CLCN3: variants seen among roughly 807,000 people sequenced by gnomAD.
CLCN3 encodes the protein Cl-/H+ antiporter 3, also known as H(+)/Cl(-) exchange transporter 3.
CLCN3 carries 16 observed loss-of-function variants against 83.4 expected under a neutral mutation model. The observed-to-expected ratio is 0.19, with a 90% confidence interval of 0.13 to 0.29. The LOEUF is 0.29. CLCN3 is among the 10% of genes least tolerant of loss of function. The probability of loss-of-function intolerance (pLI) is 1.00; values close to 1 mark genes in which losing one functional copy is unlikely to be tolerated. For synonymous variants in CLCN3, 322 were observed against 346.2 expected (o/e 0.93, Z 0.78); for missense variants, 544 against 1,006.0 (o/e 0.54, Z 6.21).
At chr4:169,679,627 G>A (rs948855521) in intron 2 of CLCN3, among the ~76,000 whole-genome samples, 1 of 152,216 alleles carries the variant, frequency 6.6e-6, no homozygotes, top group Non-Finnish European at 1.5e-5. Flanking sequence ...GCGAGACTCC[G>A]TCTGCAATCC....
intron 12 of CLCN3, chr4:169,718,018 T>A: frequency 1.9e-6 from 1 of 537,394 alleles, no homozygotes; most frequent in Non-Finnish European, 3.4e-6. Flanking sequence ...ATAAAATGTG[T>A]CTGTAAGATA....
At chr4:169,719,419 G>A (rs1404905326) in intron 12 of CLCN3, among the ~76,000 whole-genome samples, 2 of 152,146 alleles carry the variant, frequency 1.3e-5, no homozygotes, top group African/African-American at 2.4e-5. Context: ...AGCTGAGATC[G>A]CGCCACTGCA....
chr4:169,689,278 A>G (rs1306074913), intron 5 of CLCN3, 48 bp downstream of exon 5: 21 of 1,488,908 alleles, frequency 1.4e-5, no homozygotes, highest in Non-Finnish European at 1.8e-5. Context: ...ATATAGCAAA[A>G]TGTTTCCAAT....
At chr4:169,701,342 A>G (rs910966612) in intron 9 of CLCN3, among the ~76,000 whole-genome samples, 4 of 152,134 alleles carry the variant, frequency 2.6e-5, no homozygotes, top group East Asian at 1.9e-4. Flanking sequence ...TTCTCTTGCT[A>G]TTTCCACCAC....
chr4:169,667,639 T>A (rs1350331284), intron 2 of CLCN3, among the ~76,000 whole-genome samples: 1 of 151,894 alleles, frequency 6.6e-6, no homozygotes, highest in African/African-American at 2.4e-5. Context: ...TAGGAATTTG[T>A]TTCTGTGTCC....
intron 7 of CLCN3, among the ~76,000 whole-genome samples, chr4:169,693,024 T>G (rs560331881): frequency 1.3e-5 from 2 of 152,310 alleles, no homozygotes; most frequent in Non-Finnish European, 2.9e-5. Flanking sequence ...TCCCTTCCTA[T>G]TTTCCAAATC....
At chr4:169,647,706 G>T (rs1730615625) in intron 2 of CLCN3, among the ~76,000 whole-genome samples, 1 of 152,150 alleles carries the variant, frequency 6.6e-6, no homozygotes, top group Non-Finnish European at 1.5e-5. Flanking sequence ...TGACATAAAG[G>T]ATTGAATAAA....
intron 1 of CLCN3, among the ~76,000 whole-genome samples, chr4:169,622,239 A>G (rs1581176677): frequency 6.6e-6 from 1 of 152,374 alleles, no homozygotes; most frequent in East Asian, 1.9e-4. Flanking sequence ...AGTCATACAT[A>G]GCTCATTAAG....
intron 1 of CLCN3, among the ~76,000 whole-genome samples, chr4:169,622,561 G>A (rs1040616859): frequency 2.0e-5 from 3 of 152,120 alleles, no homozygotes; most frequent in Non-Finnish European, 2.9e-5. Flanking sequence ...TTTATAATAA[G>A]TGTTAATATT....
intron 2 of CLCN3, among the ~76,000 whole-genome samples, chr4:169,665,048 A>T (rs1452980286): frequency 6.6e-6 from 1 of 152,226 alleles, no homozygotes; most frequent in Non-Finnish European, 1.5e-5. Flanking sequence ...AGTTTCTCTA[A>T]CAAATTTTAT....
intron 2 of CLCN3, among the ~76,000 whole-genome samples, chr4:169,674,568 T>C (rs550201894): frequency 5.9e-5 from 9 of 152,286 alleles, no homozygotes; most frequent in African/African-American, 2.2e-4. Context: ...ATTAAAGCTT[T>C]AAGATTGAGC....
At chr4:169,688,258 A>G (rs1732236360) in intron 4 of CLCN3, among the ~76,000 whole-genome samples, 1 of 152,184 alleles carries the variant, frequency 6.6e-6, no homozygotes, top group Non-Finnish European at 1.5e-5. Context: ...CCAGGATTTG[A>G]ATTAAAGCCT....
At chr4:169,657,851 C>A (rs17627811) in intron 2 of CLCN3, among the ~76,000 whole-genome samples, 71,980 of 151,942 alleles carry the variant, frequency 0.47, 18,654 homozygotes, top group East Asian at 0.77. Flanking sequence ...CTGGGCTCCA[C>A]CCTGACTGTA....
chr4:169,678,216 G>A (rs1731758672), intron 2 of CLCN3, among the ~76,000 whole-genome samples: 1 of 152,116 alleles, frequency 6.6e-6, no homozygotes, highest in African/African-American at 2.4e-5. Flanking sequence ...ATTTTACAGA[G>A]TCTATTCCCT....
chr4:169,653,943 C>T (rs1162730749), intron 2 of CLCN3, among the ~76,000 whole-genome samples: 1 of 152,164 alleles, frequency 6.6e-6, no homozygotes, highest in Non-Finnish European at 1.5e-5. Context: ...AAGCCCACTT[C>T]TAACACTGGA....
rs576302880 is a variant in CLCN3 at position 169,666,745 on chromosome 4, A to G, written c.161-13305A>G. The stretch of plus-strand genomic sequence containing the variant: ...TTAGTGACTTGAGAATCAAAGTGCT[A>G]GAGTTTGAATCCCTGTTCTACTACT... On this transcript the variant is annotated intron_variant, in intron 2 of 12. Transcript: ENST00000513761. Among the ~76,000 whole-genome samples, 19 of 152,342 alleles carry G rather than the reference A, an allele frequency of 1.2e-4. No homozygotes were observed. The South Asian group carries it at 2.7e-3, about 22-fold the overall frequency.
chr4:169,622,567 A>C (rs1560822430), intron 1 of CLCN3, among the ~76,000 whole-genome samples: 1 of 152,156 alleles, frequency 6.6e-6, no homozygotes, highest in Non-Finnish European at 1.5e-5. Context: ...ATAAGTGTTA[A>C]TATTTGTTGA....
chr4:169,684,396 T>A (rs1481321233), intron 3 of CLCN3, among the ~76,000 whole-genome samples: 1 of 152,332 alleles, frequency 6.6e-6, no homozygotes, highest in Middle Eastern at 3.4e-3. Context: ...TGGTTGTTTT[T>A]TTCTGTGTCT....
intron 2 of CLCN3, among the ~76,000 whole-genome samples, chr4:169,668,373 T>G (rs1308503280): frequency 6.6e-6 from 1 of 152,126 alleles, no homozygotes; most frequent in Non-Finnish European, 1.5e-5. Context: ...TAGCTTGTGT[T>G]TATTGTTTTT....
Sources: gnomAD v4.1 joint callset for allele counts (sites outside exome capture counted in the v4.1 genomes callset) on GRCh38, gnomAD v4.1.1 for gene constraint, MANE v1.5 for transcripts, NCBI Gene and HGNC (gene_info 2026-07-23, HGNC 2026-07-21) for gene names.